Variants in CCNY observed in about 807,000 individuals in gnomAD.
The protein encoded by CCNY is cyclin-Y.
Under a neutral mutation model 42.8 loss-of-function variants are expected in CCNY, and 19 were observed. The observed-to-expected ratio is 0.44, with a 90% CI of 0.31 to 0.65. The LOEUF (loss-of-function observed/expected upper bound fraction) is 0.65, where lower values mean the gene tolerates loss of function less well. CCNY is among the 30% of genes least tolerant of loss of function. CCNY has a pLI of 0.07. For synonymous variants in CCNY, 165 were observed against 162.7 expected (o/e 1.01, Z -0.11); for missense variants, 370 against 437.3 (o/e 0.85, Z 1.37).
At chr10:35,263,411 C>T (rs966144934) in intron 3 of CCNY, among the ~76,000 whole-genome samples, 8 of 147,048 alleles carry the variant, frequency 5.4e-5, no homozygotes, top group South Asian at 2.2e-4. Context: ...TGTGGTGGCA[C>T]GTGCCTGTAG....
At chr10:35,250,359 C>T (rs1480152252) in intron 2 of CCNY, among the ~76,000 whole-genome samples, 3 of 151,992 alleles carry the variant, frequency 2.0e-5, no homozygotes, top group Admixed American at 1.3e-4. Context: ...AATGAGACTC[C>T]GTCTCAATAA....
At chr10:35,434,843 A>G (rs1345335312) in intron 1 of CCNY, among the ~76,000 whole-genome samples, 2 of 152,038 alleles carry the variant, frequency 1.3e-5, no homozygotes, top group African/African-American at 4.8e-5. Context: ...CTGCTCTCTC[A>G]GTTATTTATT....
chr10:35,483,602 T>C (rs1033298225), intron 2 of CCNY, 124 bp downstream of exon 2: 47 of 611,836 alleles, frequency 7.7e-5, no homozygotes, highest in Non-Finnish European at 1.2e-4. Flanking sequence ...CCCACACATA[T>C]ACTGTTTAAT....
intron 1 of CCNY, among the ~76,000 whole-genome samples, chr10:35,418,264 A>G (rs1272137590): frequency 2.0e-5 from 3 of 152,048 alleles, no homozygotes. Flanking sequence ...TTCTACACCA[A>G]ATGTGTAGCT....
At position 35,569,943 on chromosome 10, in the gene CCNY, TC is replaced by T. The variant is rs1298762510; in HGVS notation, c.*774del. ...CATGGGTGCTTGTGCCTTCCGATTT[TC>T]TTGCATTTGTTTTTTTCCTGACCTG... On this transcript the variant is annotated 3_prime_UTR_variant, in exon 10 of 10. Coordinates refer to ENST00000374704, the MANE Select transcript of CCNY (RefSeq NM_145012.6). 2 of 152,782 alleles carry T rather than the reference TC, an allele frequency of 1.3e-5. No homozygotes were observed. The highest frequency in any genetic ancestry group is 4.8e-5 in the African/African-American group (2 of 41,424). 9.5% of individuals were successfully genotyped at this position (152,782 alleles called of 1,614,324 possible).
At chr10:35,508,740 T>G (rs1840263352) in intron 3 of CCNY, among the ~76,000 whole-genome samples, 1 of 152,218 alleles carries the variant, frequency 6.6e-6, no homozygotes, top group African/African-American at 2.4e-5. Context: ...AACTTATTTT[T>G]CAATTAAGTT....
intron 7 of CCNY, among the ~76,000 whole-genome samples, chr10:35,543,717 A>G (rs1178381495): frequency 1.3e-5 from 2 of 151,954 alleles, no homozygotes; most frequent in Admixed American, 6.5e-5. Flanking sequence ...AAAAAAAAAA[A>G]GTTAACTGTG....
At chr10:35,373,804 C>T (rs1440828989) in intron 1 of CCNY, among the ~76,000 whole-genome samples, 1 of 150,352 alleles carries the variant, frequency 6.7e-6, no homozygotes, top group Non-Finnish European at 1.5e-5. Flanking sequence ...GTAAGGGTTG[C>T]AGTCAACAGG....
intron 8 of CCNY, among the ~76,000 whole-genome samples, chr10:35,563,325 G>T (rs1841502624): frequency 6.6e-6 from 1 of 152,200 alleles, no homozygotes; most frequent in Non-Finnish European, 1.5e-5. Flanking sequence ...ATACCGCCTT[G>T]TTCAAAAGCA....
At chr10:35,284,015 T>C (rs1003342100) in intron 3 of CCNY, among the ~76,000 whole-genome samples, 1 of 151,874 alleles carries the variant, frequency 6.6e-6, no homozygotes, top group Admixed American at 6.6e-5. Flanking sequence ...ACCCGGGAGA[T>C]GGGGGCTGCA....
At chr10:35,277,620 G>C (rs1319639058) in intron 3 of CCNY, among the ~76,000 whole-genome samples, 1 of 152,172 alleles carries the variant, frequency 6.6e-6, no homozygotes, top group Non-Finnish European at 1.5e-5. Context: ...TGAATCCATG[G>C]TGCTTAGCAA....
intron 1 of CCNY, among the ~76,000 whole-genome samples, chr10:35,476,515 C>T (rs1435027067): frequency 6.6e-6 from 1 of 152,072 alleles, no homozygotes; most frequent in African/African-American, 2.4e-5. Flanking sequence ...GGAAACTGAA[C>T]AACCTGCTCC....
intron 1 of CCNY, among the ~76,000 whole-genome samples, chr10:35,384,124 A>T (rs1434054962): frequency 2.6e-5 from 4 of 152,210 alleles, no homozygotes; most frequent in Admixed American, 6.5e-5. Flanking sequence ...TTTTAGCAGA[A>T]TAGCTATATA....
intron 3 of CCNY, among the ~76,000 whole-genome samples, chr10:35,320,413 TC>T (rs770857104): frequency 1.3e-5 from 2 of 152,310 alleles, no homozygotes; most frequent in South Asian, 2.1e-4. Flanking sequence ...AAATTCGCCA[TC>T]CATTCACAAT....
chr10:35,433,674 C>T (rs769073462), intron 1 of CCNY, among the ~76,000 whole-genome samples: 53 of 152,062 alleles, frequency 3.5e-4, no homozygotes, highest in Admixed American at 5.9e-4. Context: ...TACAGTGGTG[C>T]GATCTCGGCT....
intron 1 of CCNY, among the ~76,000 whole-genome samples, chr10:35,437,264 T>C (rs1838557325): frequency 6.6e-6 from 1 of 152,166 alleles, no homozygotes; most frequent in Non-Finnish European, 1.5e-5. Context: ...TCCTTGAGAG[T>C]CTGATGTCAC....
upstream of CCNY, among the ~76,000 whole-genome samples, chr10:35,333,917 G>A (rs189044275): frequency 9.0e-4 from 137 of 152,156 alleles, no homozygotes; most frequent in Non-Finnish European, 4.0e-4. Context: ...AATCACTAGC[G>A]AGGCTTTAGT....
chr10:35,311,076 G>A (rs1835678107), intron 3 of CCNY, among the ~76,000 whole-genome samples: 2 of 152,226 alleles, frequency 1.3e-5, no homozygotes, highest in African/African-American at 4.8e-5. Context: ...ACTTTGGGAG[G>A]CTGAGGCAGG....
At chr10:35,562,198 A>G (rs565337711) in intron 8 of CCNY, among the ~76,000 whole-genome samples, 1 of 152,340 alleles carries the variant, frequency 6.6e-6, no homozygotes, top group African/African-American at 2.4e-5. Context: ...AATAAGGAGA[A>G]ATCAAGTGAC....
Sources: gnomAD v4.1 joint callset for allele counts (sites outside exome capture counted in the v4.1 genomes callset) on GRCh38, gnomAD v4.1.1 for gene constraint, MANE v1.5 for transcripts, NCBI Gene and HGNC (gene_info 2026-07-23, HGNC 2026-07-21) for gene names.